MNDA: variants seen among roughly 807,000 people sequenced by gnomAD.
The protein encoded by MNDA is epididymis secretory sperm binding protein.
A neutral mutation model predicts 37.8 loss-of-function variants in MNDA; 43 were observed. The observed-to-expected ratio is 1.14, with a 90% CI of 0.89 to 1.47. The LOEUF is 1.47. MNDA is among the 40% of genes most tolerant of loss of function. MNDA has a pLI of 0.00. For missense variants in MNDA, 536 were observed against 476.0 expected, an observed-to-expected ratio of 1.13 and a Z score of -1.17; for synonymous variants, 181 against 169.0, an observed-to-expected ratio of 1.07 and a Z score of -0.55.
rs1212352746 is a variant in MNDA at position 158,845,218 on chromosome 1, TGTTG to T, written c.571-368_571-365del. ...TTGTATTCCTGCTCAAAGTTTTTGTTGTTGTTTGTTTGTTTGTTTGTTTGTTTGT... is the reference window on the plus strand; with the variant it reads ...TTGTATTCCTGCTCAAAGTTTTTGTTTTTGTTTGTTTGTTTGTTTGTTTGT... On this transcript the variant is annotated intron_variant, in intron 4 of 6. Transcript: ENST00000368141. Among the ~76,000 whole-genome samples, 3 of 94,124 alleles carry T rather than the reference TGTTG, an allele frequency of 3.2e-5. No individual in the cohort carries two copies. The East Asian group carries it at 8.7e-4, about 27-fold the overall frequency. 61.7% of individuals were successfully genotyped at this position (94,124 alleles called of 152,430 possible).
intron 1 of MNDA, among the ~76,000 whole-genome samples, chr1:158,841,617 C>T (rs763743705): frequency 1.3e-5 from 2 of 152,146 alleles, no homozygotes; most frequent in South Asian, 2.1e-4. Flanking sequence ...CCAAGAAGGA[C>T]TAGAGTCCAT....
At chr1:158,843,499 A>G in intron 3 of MNDA, 84 bp downstream of exon 3, 1 of 1,342,304 alleles carries the variant, frequency 7.4e-7, no homozygotes, top group Non-Finnish European at 9.9e-7. Flanking sequence ...ATATCTCAAC[A>G]CAGCTTAGAT....
chr1:158,841,727 ACCAGGAAGAATCAGGGAAGAATC>A (rs372504513), intron 1 of MNDA, among the ~76,000 whole-genome samples: 150,520 of 152,230 alleles, frequency 0.99, 74,421 homozygotes, highest in East Asian at 1. Flanking sequence ...ATAGTGGATG[ACCAGGAAGAATCAGGGAAGAATC>A]AGGGAAGAAT....
At chr1:158,843,174 T>A in intron 2 of MNDA, 105 bp from the exon 3 acceptor site, 1 of 1,418,788 alleles carries the variant, frequency 7.0e-7, no homozygotes, top group Non-Finnish European at 9.4e-7. Flanking sequence ...AAATCCGAAC[T>A]CTCATGCAGG....
chr1:158,835,094 A>G (rs1658880996), intron 1 of MNDA, among the ~76,000 whole-genome samples: 1 of 152,188 alleles, frequency 6.6e-6, no homozygotes, highest in Non-Finnish European at 1.5e-5. Context: ...AGGCTATTTA[A>G]AGTACCTTTA....
intron 1 of MNDA, among the ~76,000 whole-genome samples, chr1:158,841,911 T>C (rs114991405): frequency 0.011 from 1,615 of 152,280 alleles, 19 homozygotes; most frequent in African/African-American, 0.026. Flanking sequence ...TACACCTCTG[T>C]CCCAACTTAT....
At chr1:158,836,931 G>A (rs919862173) in intron 1 of MNDA, among the ~76,000 whole-genome samples, 1 of 151,570 alleles carries the variant, frequency 6.6e-6, no homozygotes, top group Non-Finnish European at 1.5e-5. Flanking sequence ...TCTAAATATG[G>A]ATTTAAATTT....
intron 1 of MNDA, among the ~76,000 whole-genome samples, chr1:158,833,957 A>T (rs1571649914): frequency 1.3e-5 from 2 of 152,154 alleles, no homozygotes; most frequent in African/African-American, 4.8e-5. Context: ...ACCATTTTAC[A>T]TTCCTACCAA....
chr1:158,839,974 G>T (rs957558236), intron 1 of MNDA, among the ~76,000 whole-genome samples: 1 of 152,090 alleles, frequency 6.6e-6, no homozygotes, highest in African/African-American at 2.4e-5. Flanking sequence ...CAAAATTTTA[G>T]TTTGAAAAAT....
At position 158,847,876 on chromosome 1, in the gene MNDA, G is replaced by T. The variant is rs146787746; in HGVS notation, c.1136G>T (p.Arg379Leu). 5 of 1,613,898 alleles carry T rather than the reference G, an allele frequency of 3.1e-6. No homozygotes were observed. Among genetic ancestry groups the T allele is most frequent in the Non-Finnish European group, 4.2e-6 (5 of 1,179,844 alleles). ...LFCLQLRTVD[R>L]KLKLVCGSHS... The stretch of plus-strand genomic sequence containing the variant: ...TGCCTTCAACTGAGAACAGTTGACC[G>T]CAAGCTGAAACTGGTGTGTGGAAGT... The change falls in exon 6 of 7, where the codon CGC becomes CTC. Residue 379 changes from arginine to leucine, a missense_variant. Physicochemically the swap from Arg to Leu is moderately radical, Grantham distance 102 (BLOSUM62 -2). Transcript: ENST00000368141.
Position 158,849,339 on chromosome 1 carries a change from C to T in MNDA, c.*102C>T. On this transcript the variant is annotated 3_prime_UTR_variant, in exon 7 of 7. Coordinates refer to ENST00000368141, the MANE Select transcript of MNDA (RefSeq NM_002432.3). ...TCAGTAATTCATTTAAATGATGTTT[C>T]AGTAGATATATTCTAGCATATTAAG... is the stretch of plus-strand genomic sequence containing the variant. 9.8e-7 allele frequency: 1 copy of T among 1,017,296 alleles called. No homozygotes were observed. The highest frequency in any genetic ancestry group is 1.5e-6 in the Non-Finnish European group (1 of 678,628). The allele number at this position is 1,017,296 out of a possible 1,614,324, so 63.0% of individuals were successfully genotyped here.
intron 1 of MNDA, 55 bp from the exon 2 acceptor site, chr1:158,842,079 T>A (rs1659037592): frequency 2.0e-6 from 3 of 1,473,330 alleles, no homozygotes; most frequent in African/African-American, 2.8e-5. Context: ...CATATCTCAT[T>A]TTTTAAAATT....
At position 158,842,313 on chromosome 1, in the gene MNDA, A is replaced by G; in HGVS notation, c.160A>G (p.Lys54Glu). 6.2e-7 allele frequency: 1 copy of G among 1,614,102 alleles called. No individual in the cohort carries two copies. Among genetic ancestry groups the G allele is most frequent in the Non-Finnish European group, 8.5e-7 (1 of 1,179,928 alleles). Residue 54 changes from lysine (K) to glutamate (E), a missense_variant, in exon 2 of 7, where the codon AAA (lysine) becomes GAA (glutamate). By Grantham distance (56) the Lys-to-Glu change is moderately conservative (BLOSUM62 1). Transcript: ENST00000368141. The part of the protein sequence containing the change: ...NRIKITDLME[K>E]KFQGVACLDK... ...AATTAAGATTACAGATTTGATGGAA[A>G]AAAAGTTCCAAGGCGTTGCCTGTCT...
chr1:158,840,914 C>A (rs1659017973), intron 1 of MNDA, among the ~76,000 whole-genome samples: 1 of 152,114 alleles, frequency 6.6e-6, no homozygotes, highest in Non-Finnish European at 1.5e-5. Context: ...AATTTGGACA[C>A]TCTAATTATA....
At chr1:158,846,392 G>A (rs1659134160) in intron 5 of MNDA, among the ~76,000 whole-genome samples, 1 of 152,052 alleles carries the variant, frequency 6.6e-6, no homozygotes, top group South Asian at 2.1e-4. Flanking sequence ...TGCTACCAAG[G>A]TTGAATTCTG....
intron 1 of MNDA, among the ~76,000 whole-genome samples, chr1:158,834,431 C>G: frequency 6.6e-6 from 1 of 151,832 alleles, no homozygotes; most frequent in Non-Finnish European, 1.5e-5. Flanking sequence ...AGGGGTTTCA[C>G]CGTGTTTATC....
At chr1:158,848,688 C>A (rs149199150) in intron 6 of MNDA, among the ~76,000 whole-genome samples, 2 of 151,962 alleles carry the variant, frequency 1.3e-5, no homozygotes, top group Non-Finnish European at 2.9e-5. Context: ...AAAAATATTC[C>A]GGTGTCTATC....
intron 1 of MNDA, among the ~76,000 whole-genome samples, chr1:158,836,868 C>T (rs986573239): frequency 6.6e-6 from 1 of 151,720 alleles, no homozygotes; most frequent in African/African-American, 2.4e-5. Context: ...TTACCCTCAT[C>T]ACCATATTCT....
Position 158,843,992 on chromosome 1 carries a change from A to C in MNDA, c.440A>C (p.Lys147Thr). The C allele has an allele frequency of 6.2e-7, 1 of 1,605,586 alleles. No homozygotes were observed. Residue 147 changes from lysine (K) to threonine (T), a missense_variant, in exon 4 of 7, where the codon AAA (lysine) becomes ACA (threonine). Lys to Thr is a moderately conservative substitution (Grantham distance 78). Transcript: ENST00000368141. ...CCAAACAAAGAAAAGACTGAAGCCA[A>C]AAGGAATAAGGTGTCCCAAGAGCAG... is the stretch of plus-strand genomic sequence containing the variant. ...KTPNKEKTEAKRNKVSQEQSK... is the reference protein window; with the variant it reads ...KTPNKEKTEATRNKVSQEQSK...
Sources: allele counts gnomAD v4.1 joint callset (sites outside exome capture counted in the v4.1 genomes callset), GRCh38; gene constraint gnomAD v4.1.1; transcripts MANE v1.5; gene names NCBI Gene and HGNC (gene_info 2026-07-23, HGNC 2026-07-21).